HOMER3: variants seen among roughly 807,000 people sequenced by gnomAD.
HOMER3 encodes the protein homer protein homolog 3.
HOMER3 carries 34 observed loss-of-function variants against 45.5 expected under a neutral mutation model. The ratio of observed to expected loss-of-function variants is 0.75; its 90% CI spans 0.57 to 1.00. The LOEUF (loss-of-function observed/expected upper bound fraction) is 1.00, where lower values mean the gene tolerates loss of function less well. Ranked by LOEUF, HOMER3 falls within the 50% of genes least tolerant of loss-of-function variation. The pLI, the probability that HOMER3 is intolerant of heterozygous loss-of-function variation, is 0.00. For synonymous variants in HOMER3, 223 were observed against 208.8 expected, an observed-to-expected ratio of 1.07 and a Z score of -0.58; for missense variants, 480 against 497.5, an observed-to-expected ratio of 0.96 and a Z score of 0.33.
intron 6 of HOMER3, 129 bp from the exon 7 acceptor site, chr19:18,932,261 G>A (rs1395289450): frequency 9.5e-6 from 9 of 946,304 alleles, no homozygotes; most frequent in Non-Finnish European, 1.3e-5. Context: ...GCTGGCGAGG[G>A]TGCGGAGTCG....
chr19:18,934,099 A>T (rs1372316124), intron 5 of HOMER3, among the ~76,000 whole-genome samples: 1 of 152,168 alleles, frequency 6.6e-6, no homozygotes, highest in African/African-American at 2.4e-5. Flanking sequence ...GGCCCCAGGC[A>T]AGGTCCAGAC....
At position 18,931,980 on chromosome 19, in the gene HOMER3, T is replaced by G; in HGVS notation, c.686A>C (p.Gln229Pro). 3.9e-6 allele frequency: 6 copies of G among 1,528,362 alleles called. No homozygotes were observed. The highest frequency in any genetic ancestry group is 5.3e-6 in the Non-Finnish European group (6 of 1,136,406). 94.7% of individuals were successfully genotyped at this position (1,528,362 alleles called of 1,614,324 possible). A position where few individuals can be genotyped will look rare whatever the true frequency, so the allele number is the denominator to read the frequency against. ...CGGAGGGAGGGGTGCCCTCACCCGC[T>G]GCCGCAGCCGCTCGGCCTCTGCACG... Reference protein sequence around the residue: ...AQRAEAERLRQRVAELEAQAA... With the variant: ...AQRAEAERLRPRVAELEAQAA... The change falls in exon 7 of 10, where the codon CAG becomes CCG. Residue 229 changes from glutamine (Q) to proline (P), a missense_variant. Physicochemically the swap from Gln to Pro is moderately conservative, Grantham distance 76 (BLOSUM62 -1). Coordinates refer to ENST00000392351, the MANE Select transcript of HOMER3 (RefSeq NM_004838.4).
Position 18,929,652 on chromosome 19 carries a change from G to A in HOMER3, c.895-18C>T. 1 of 1,487,250 alleles carries A rather than the reference G, an allele frequency of 6.7e-7. No individual in the cohort carries two copies. The highest frequency in any genetic ancestry group is 9.0e-7 in the Non-Finnish European group (1 of 1,115,212). 92.1% of individuals were successfully genotyped at this position (1,487,250 alleles called of 1,614,324 possible). ...TCCAGGTCCTGCCAGGAAAGGGTGG[G>A]CAGGGTTGGGGGCCCCAACAAATCA... On this transcript the variant is annotated intron_variant, in intron 9 of 9. Transcript: ENST00000392351.
At position 18,931,958 on chromosome 19, in the gene HOMER3, A is replaced by G; in HGVS notation, c.690+18T>C. 6.6e-7 allele frequency: 1 copy of G among 1,510,900 alleles called. No individual in the cohort carries two copies. Among genetic ancestry groups the G allele is most frequent in the Non-Finnish European group, 8.8e-7 (1 of 1,130,308 alleles). 93.6% of individuals were successfully genotyped at this position (1,510,900 alleles called of 1,614,324 possible). On this transcript the variant is annotated intron_variant, in intron 7 of 9. Coordinates refer to ENST00000392351, the MANE Select transcript of HOMER3 (RefSeq NM_004838.4). Reference sequence around the variant, plus strand: ...CCCGGGCCAGGTGGGGGTCTCTCGGAGGGAGGGGTGCCCTCACCCGCTGCC... The same window carrying G: ...CCCGGGCCAGGTGGGGGTCTCTCGGGGGGAGGGGTGCCCTCACCCGCTGCC...
At chr19:18,936,405 G>A (rs886127352) in intron 4 of HOMER3, among the ~76,000 whole-genome samples, 5 of 151,260 alleles carry the variant, frequency 3.3e-5, no homozygotes, top group African/African-American at 9.7e-5. Flanking sequence ...GGGAGCCTGA[G>A]GCAGGCGGAT....
At chr19:18,929,756 A>G (rs1006340201) in intron 9 of HOMER3, 122 bp from the exon 10 acceptor site, 6 of 707,180 alleles carry the variant, frequency 8.5e-6, no homozygotes, top group Admixed American at 3.4e-5. Context: ...GGCGCCCAAC[A>G]CACCAGGAAT....
At chr19:18,934,249 G>A (rs780834141) in intron 5 of HOMER3, 54 bp downstream of exon 5, 19 of 1,065,688 alleles carry the variant, frequency 1.8e-5, no homozygotes, top group African/African-American at 6.6e-5. Context: ...TCAGTTGAGC[G>A]CCTGGCTGAC....
intron 5 of HOMER3, 136 bp from the exon 6 acceptor site, chr19:18,933,181 T>C: frequency 6.0e-6 from 7 of 1,160,346 alleles, no homozygotes; most frequent in Non-Finnish European, 7.9e-6. Context: ...GATCCAAGTG[T>C]GTCCCTCCCC....
chr19:18,938,645 G>T, intron 3 of HOMER3, 83 bp downstream of exon 3: 1 of 1,518,816 alleles, frequency 6.6e-7, no homozygotes, highest in Non-Finnish European at 8.9e-7. Context: ...CCTGTCCCTT[G>T]GGCACACAGC....
chr19:18,939,097 G>A, intron 1 of HOMER3, 48 bp from the exon 2 acceptor site: 5 of 1,098,352 alleles, frequency 4.6e-6, no homozygotes, highest in Non-Finnish European at 6.3e-6. Context: ...CAGGCTGAGG[G>A]AGGCCAAGCA....
At chr19:18,937,364 A>C (rs2057104592) in intron 4 of HOMER3, among the ~76,000 whole-genome samples, 1 of 151,308 alleles carries the variant, frequency 6.6e-6, no homozygotes, top group Middle Eastern at 3.4e-3. Context: ...AAGAAAGGTA[A>C]ATTCTAAACC....
In HOMER3 at chr19:18,929,708, C is replaced by A. The variant is rs980933185; in HGVS notation, c.895-74G>T. 12 of 1,264,644 alleles carry A rather than the reference C, an allele frequency of 9.5e-6. No individual in the cohort carries two copies. The African/African-American group carries it at 1.7e-4, about 17-fold the overall frequency. 78.3% of individuals were successfully genotyped at this position (1,264,644 alleles called of 1,614,324 possible). A position where few individuals can be genotyped will look rare whatever the true frequency, so the allele number is the denominator to read the frequency against. ...CCTGCCCGAGGCATCCAGAGTCTGA[C>A]CACCTTCATGTCCCTCTTCTGCCCA... On this transcript the variant is annotated intron_variant, in intron 9 of 9. Coordinates refer to ENST00000392351, the MANE Select transcript of HOMER3 (RefSeq NM_004838.4).
intron 5 of HOMER3, among the ~76,000 whole-genome samples, 158 bp from the exon 6 acceptor site, chr19:18,933,203 C>G (rs2057057608): frequency 6.6e-6 from 1 of 152,148 alleles, no homozygotes; most frequent in South Asian, 2.1e-4. Flanking sequence ...CCTCACCCAC[C>G]CTCCATGGCT....
intron 4 of HOMER3, among the ~76,000 whole-genome samples, chr19:18,935,330 G>T (rs1006285514): frequency 6.6e-6 from 1 of 151,902 alleles, no homozygotes; most frequent in African/African-American, 2.4e-5. Flanking sequence ...TACAGATGGG[G>T]TTTCACCATA....
At chr19:18,936,863 G>T (rs1220580685) in intron 4 of HOMER3, among the ~76,000 whole-genome samples, 2 of 151,774 alleles carry the variant, frequency 1.3e-5, no homozygotes, top group Non-Finnish European at 2.9e-5. Context: ...GTGGTGGCAG[G>T]CGCCTGTAGT....
chr19:18,940,115 C>G (rs920120402), intron 1 of HOMER3: 1 of 152,648 alleles, frequency 6.6e-6, no homozygotes, highest in Non-Finnish European at 1.5e-5. Flanking sequence ...GGATGCCCCC[C>G]CTATCCTGTC....
intron 6 of HOMER3, 109 bp from the exon 7 acceptor site, chr19:18,932,241 C>A: frequency 8.8e-7 from 1 of 1,138,006 alleles, no homozygotes; most frequent in Non-Finnish European, 1.2e-6. Context: ...GGGCTTAGGT[C>A]AGGGCGAAGG....
In HOMER3 at chr19:18,929,480, C is replaced by G; in HGVS notation, c.1049G>C (p.Arg350Pro). ...CTCAGCCAGGCGGGCCAGGCCCTCA[C>G]GCAGCTCACTCAGCTCAAACAGGCT... ...DVSLFELSEL[R>P]EGLARLAEAA... The change falls in exon 10 of 10, where the codon CGT (arginine) becomes CCT (proline). Residue 350 changes from arginine to proline, a missense_variant. Transcript: ENST00000392351. 6.3e-7 allele frequency: 1 copy of G among 1,599,654 alleles called. No individual in the cohort carries two copies.
Position 18,929,449 on chromosome 19 carries a change from C to A in HOMER3, c.1080G>T (p.Ala360=). 1 of 1,592,732 alleles carries A rather than the reference C, an allele frequency of 6.3e-7. No homozygotes were observed. ...ATAGAAAACCAGCCCCGGCTCAGGG[C>A]GCAGCCTCAGCCAGGCGGGCCAGGC... ...REGLARLAEA[A]P The change falls in exon 10 of 10, where the codon GCG becomes GCT. Residue 360 remains alanine, a synonymous_variant. Coordinates refer to ENST00000392351, the MANE Select transcript of HOMER3 (RefSeq NM_004838.4).
Sources: allele counts gnomAD v4.1 joint callset (sites outside exome capture counted in the v4.1 genomes callset), GRCh38; gene constraint gnomAD v4.1.1; transcripts MANE v1.5; gene names NCBI Gene and HGNC (gene_info 2026-07-23, HGNC 2026-07-21).